Variants in ADAM32 observed in about 807,000 individuals in gnomAD.
ADAM32 encodes ADAM metallopeptidase domain 32, also known as disintegrin and metalloproteinase domain-containing protein 32.
In ADAM32, 89 loss-of-function variants were observed where a neutral mutation model predicts 114.9. That is an observed-to-expected ratio of 0.77 (90% CI 0.65 to 0.92). The LOEUF (loss-of-function observed/expected upper bound fraction) is 0.92. ADAM32 is among the 40% of genes least tolerant of loss of function. The probability of loss-of-function intolerance (pLI) is 0.00; values close to 1 mark genes in which losing one functional copy is unlikely to be tolerated. For missense variants in ADAM32, 870 were observed against 932.8 expected (o/e 0.93, Z 0.88); for synonymous variants, 285 against 307.5 (o/e 0.93, Z 0.77).
At chr8:39,260,883 T>G (rs144992731) in intron 19 of ADAM32, among the ~76,000 whole-genome samples, 1 of 152,182 alleles carries the variant, frequency 6.6e-6, no homozygotes, top group East Asian at 1.9e-4. Context: ...GGTTCTGTTT[T>G]TTTCTTTGTT....
intron 16 of ADAM32, among the ~76,000 whole-genome samples, chr8:39,237,066 G>A (rs1035446106): frequency 6.6e-6 from 1 of 152,192 alleles, no homozygotes. Flanking sequence ...TCTGGCTCTG[G>A]ACACACATCC....
At chr8:39,240,105 C>T (rs1810461312) in intron 16 of ADAM32, among the ~76,000 whole-genome samples, 1 of 152,120 alleles carries the variant, frequency 6.6e-6, no homozygotes. Context: ...AACATTCTGC[C>T]CCAAAATGCA....
intron 22 of ADAM32, among the ~76,000 whole-genome samples, chr8:39,280,158 C>A (rs1813335890): frequency 1.3e-5 from 2 of 152,192 alleles, no homozygotes; most frequent in South Asian, 4.1e-4. Flanking sequence ...TCCATTGCAG[C>A]TTTCTAACAC....
chr8:39,162,232 T>G (rs1172146412), intron 7 of ADAM32, among the ~76,000 whole-genome samples: 7 of 144,418 alleles, frequency 4.8e-5, no homozygotes, highest in Non-Finnish European at 4.5e-5. Context: ...CGTTGTTCAA[T>G]TCCCACCTAT....
chr8:39,211,793 A>G (rs1808239701), intron 12 of ADAM32, among the ~76,000 whole-genome samples: 1 of 152,184 alleles, frequency 6.6e-6, no homozygotes, highest in African/African-American at 2.4e-5. Context: ...AATGAATTCA[A>G]AAGGCCTAGG....
chr8:39,274,823 A>G (rs549419837), intron 21 of ADAM32, among the ~76,000 whole-genome samples: 45 of 152,330 alleles, frequency 3.0e-4, no homozygotes, highest in African/African-American at 1.1e-3. Flanking sequence ...GTTTGTGGTG[A>G]TGCTGGTGTA....
At chr8:39,157,825 TGGAG>T in intron 6 of ADAM32, 10 of 819,408 alleles carry the variant, frequency 1.2e-5, no homozygotes, top group African/African-American at 1.7e-5. Context: ...TTATAGTCAG[TGGAG>T]GCACTGATCA....
rs2129443850 is a variant in ADAM32 at position 39,108,402 on chromosome 8, A to AT, written c.58+570dup. On this transcript the variant is annotated intron_variant, in intron 1 of 24. Coordinates refer to ENST00000379907, the MANE Select transcript of ADAM32 (RefSeq NM_145004.7). ...CTCCAGATCGTAGTTCTCCAGAACT[A>AT]TGAGGAAAATAAATTTCTGTTGTTT... 2.0e-5 allele frequency among the ~76,000 whole-genome samples: 3 copies of AT among 152,342 alleles called. No homozygotes were observed. In the East Asian group the frequency reaches 5.8e-4, roughly 29 times the overall value.
At chr8:39,255,448 G>A (rs1435863684) in intron 18 of ADAM32, among the ~76,000 whole-genome samples, 1 of 152,024 alleles carries the variant, frequency 6.6e-6, no homozygotes, top group African/African-American at 2.4e-5. Context: ...GTATTGCATT[G>A]TGGTTTTGAT....
chr8:39,144,761 A>G (rs1178679009), intron 3 of ADAM32, among the ~76,000 whole-genome samples: 1 of 152,204 alleles, frequency 6.6e-6, no homozygotes, highest in Non-Finnish European at 1.5e-5. Flanking sequence ...TAGGATGCCT[A>G]TTTTCCTTCA....
intron 23 of ADAM32, among the ~76,000 whole-genome samples, chr8:39,282,134 G>A (rs764363694): frequency 2.6e-5 from 4 of 152,198 alleles, no homozygotes; most frequent in Admixed American, 6.5e-5. Context: ...CACCAAGGGA[G>A]TTGTGATAGA....
In ADAM32 at chr8:39,232,047, G is replaced by T. The variant is rs1361862452; in HGVS notation, c.1546G>T (p.Ala516Ser). 6.2e-7 allele frequency: 1 copy of T among 1,611,404 alleles called. No homozygotes were observed. ...AACAGGTTCAAGAAATGCTCCATTT[G>T]CCTGCTATGAAGAAATACAATCTCA... ...FGKGSRNAPFACYEEIQSQSD... is the reference protein window; with the variant it reads ...FGKGSRNAPFSCYEEIQSQSD... The change falls in exon 15 of 25, where the codon GCC (alanine) becomes TCC (serine). Residue 516 changes from alanine to serine, a missense_variant. Physicochemically the swap from Ala to Ser is moderately conservative, Grantham distance 99 (BLOSUM62 1). Transcript: ENST00000379907.
chr8:39,151,648 A>G, intron 6 of ADAM32, 100 bp downstream of exon 6: 1 of 860,538 alleles, frequency 1.2e-6, no homozygotes, highest in South Asian at 2.7e-5. Context: ...AATTGTAGCA[A>G]ATATCCTTTC....
chr8:39,178,729 GTTA>G (rs1461932733), intron 10 of ADAM32, among the ~76,000 whole-genome samples: 1 of 152,080 alleles, frequency 6.6e-6, no homozygotes, highest in Non-Finnish European at 1.5e-5. Context: ...TTATTTTGAT[GTTA>G]TTGTTGTGGC....
intron 19 of ADAM32, among the ~76,000 whole-genome samples, chr8:39,262,586 T>C (rs1186872427): frequency 6.6e-6 from 1 of 152,064 alleles, no homozygotes; most frequent in Non-Finnish European, 1.5e-5. Context: ...TTATTTGATA[T>C]GTTCAGATGT....
chr8:39,248,029 A>G (rs918623802), intron 17 of ADAM32, among the ~76,000 whole-genome samples: 1 of 151,816 alleles, frequency 6.6e-6, no homozygotes, highest in African/African-American at 2.4e-5. Context: ...TGGGCTCCTT[A>G]TTCTATTTCA....
chr8:39,169,740 A>G (rs1172205597), intron 9 of ADAM32, 176 bp from the exon 10 acceptor site: 3 of 492,708 alleles, frequency 6.1e-6, no homozygotes, highest in East Asian at 6.1e-5. Flanking sequence ...ATTAATACTA[A>G]TATGTCATAT....
intron 11 of ADAM32, among the ~76,000 whole-genome samples, chr8:39,206,598 G>A (rs1392063028): frequency 6.6e-6 from 1 of 152,226 alleles, no homozygotes; most frequent in Non-Finnish European, 1.5e-5. Flanking sequence ...TGGGTAGGAA[G>A]CTTTCAAGCT....
chr8:39,145,515 A>G lies in ADAM32; in HGVS notation c.201-1615A>G, dbSNP rs904768866. ...TAAAAGTAAGAAAGAGAAACAGCCT[A>G]GAATTGAATGCCATGGAAACATTTA... On this transcript the variant is annotated intron_variant, in intron 3 of 24. Transcript: ENST00000379907. Among the ~76,000 whole-genome samples, 5 of 152,152 alleles carry G rather than the reference A, an allele frequency of 3.3e-5. 1 individual carries two copies. The highest frequency in any genetic ancestry group is 1.2e-4 in the African/African-American group (5 of 41,446).
Sources: gnomAD v4.1 joint callset for allele counts (sites outside exome capture counted in the v4.1 genomes callset) on GRCh38, gnomAD v4.1.1 for gene constraint, MANE v1.5 for transcripts, NCBI Gene and HGNC (gene_info 2026-07-23, HGNC 2026-07-21) for gene names.